Variants in KDM8 observed in about 807,000 individuals in gnomAD.
KDM8 encodes bifunctional peptidase and arginyl-hydroxylase JMJD5.
KDM8 carries 35 observed loss-of-function variants against 46.9 expected under a neutral mutation model. The ratio of observed to expected loss-of-function variants is 0.75; its 90% CI spans 0.57 to 0.99. The LOEUF (loss-of-function observed/expected upper bound fraction) is 0.99. Ranked by LOEUF, KDM8 falls within the 50% of genes least tolerant of loss-of-function variation. The pLI, the probability that KDM8 is intolerant of heterozygous loss-of-function variation, is 0.00. For missense variants in KDM8, 475 were observed against 537.0 expected (o/e 0.88, Z 1.14); for synonymous variants, 232 against 227.7 (o/e 1.02, Z -0.17).
rs752894004 is a variant in KDM8 at position 27,220,663 on chromosome 16, C to A, written c.1184C>A (p.Pro395Gln). ...TCTCCTGGAGAGATCCTGTTCATCC[C>A]GGTGAAATACTGGCATTACGTGCGG... The part of the protein sequence containing the change: ...ILSPGEILFI[P>Q]VKYWHYVRAL... The change falls in exon 8 of 8, where the codon CCG becomes CAG. Residue 395 changes from proline (P) to glutamine (Q), a missense_variant. Coordinates refer to ENST00000286096, the MANE Select transcript of KDM8 (RefSeq NM_024773.3). 1.9e-6 allele frequency: 3 copies of A among 1,614,028 alleles called. No homozygotes were observed. In the Admixed American group the frequency reaches 5.0e-5, roughly 27 times the overall value.
At chr16:27,203,856 G>A (rs578056694) in intron 1 of KDM8, 28 of 439,432 alleles carry the variant, frequency 6.4e-5, no homozygotes, top group African/African-American at 5.5e-4. Context: ...TAAAGGGAAA[G>A]GTTCCGCGCG....
chr16:27,209,141 G>A (rs771515177), intron 1 of KDM8, among the ~76,000 whole-genome samples: 57 of 152,232 alleles, frequency 3.7e-4, no homozygotes, highest in Non-Finnish European at 5.4e-4. Context: ...TTGACATGGC[G>A]CACAGGAGAG....
At chr16:27,213,218 CGTGTGTGT>C (rs3063593) in intron 2 of KDM8, 3,870 of 139,580 alleles carry the variant, frequency 0.028, 154 homozygotes, top group African/African-American at 0.083. Context: ...AGATATTTTG[CGTGTGTGT>C]GTGTGTGTGT....
Position 27,210,343 on chromosome 16 carries a change from T to C in KDM8, c.220T>C (p.Tyr74His), listed in dbSNP as rs2083469519. The C allele has an allele frequency of 1.9e-6, 3 of 1,613,208 alleles. No individual in the cohort carries two copies. Among genetic ancestry groups the C allele is most frequent in the Non-Finnish European group, 2.5e-6 (3 of 1,180,036 alleles). ...CLQSSEVILD[Y>H]SWEKLNTGTW... ...GCAGAGCAGCGAGGTGATCCTGGAC[T>C]ACTCCTGGGAGAAGCTCAACACGGG... Residue 74 changes from tyrosine to histidine, a missense_variant, in exon 2 of 8, where the codon TAC (tyrosine) becomes CAC (histidine). Tyr to His is a moderately conservative substitution (Grantham distance 83). Transcript: ENST00000286096.
At chr16:27,205,715 G>A (rs955183646) in intron 1 of KDM8, among the ~76,000 whole-genome samples, 1 of 152,138 alleles carries the variant, frequency 6.6e-6, no homozygotes, top group Non-Finnish European at 1.5e-5. Context: ...GCGGGCACCT[G>A]TAATCCCAGC....
chr16:27,206,792 C>T (rs2083432477), intron 1 of KDM8, among the ~76,000 whole-genome samples: 3 of 152,192 alleles, frequency 2.0e-5, no homozygotes, highest in Admixed American at 2.0e-4. Context: ...CGCACCTGAC[C>T]TTCCCAGGAG....
At chr16:27,213,875 G>A (rs953805521) in intron 3 of KDM8, 124 bp downstream of exon 3, 1 of 924,956 alleles carries the variant, frequency 1.1e-6, no homozygotes, top group African/African-American at 1.7e-5. Flanking sequence ...AGCAGCCCTT[G>A]ACTGATTGCC....
At chr16:27,215,860 G>A (rs2083544664) in intron 4 of KDM8, 85 bp from the exon 5 acceptor site, 2 of 1,395,996 alleles carry the variant, frequency 1.4e-6, no homozygotes, top group East Asian at 2.3e-5. Flanking sequence ...TGCAGCTGGG[G>A]CCAGCTGGAC....
chr16:27,206,234 A>G (rs963543750), intron 1 of KDM8: 5 of 982,768 alleles, frequency 5.1e-6, no homozygotes, highest in Non-Finnish European at 6.0e-6. Flanking sequence ...CTCCTTTGGA[A>G]GCCTGTTTGT....
At chr16:27,211,244 G>A (rs908664194) in intron 2 of KDM8, 1 of 444,824 alleles carries the variant, frequency 2.2e-6, no homozygotes, top group East Asian at 7.0e-5. Flanking sequence ...GCCAGCGGCA[G>A]CCCGTTTCTT....
In KDM8 at chr16:27,205,268, T is replaced by C. The variant is rs138078927; in HGVS notation, c.-32+1632T>C. Among the ~76,000 whole-genome samples the C allele has an allele frequency of 1.6e-3, 244 of 152,310 alleles. 1 individual carries two copies. Among genetic ancestry groups the C allele is most frequent in the African/African-American group, 5.5e-3 (227 of 41,570 alleles). On this transcript the variant is annotated intron_variant, in intron 1 of 7. Transcript: ENST00000286096. Reference sequence around the variant, plus strand: ...GGCTTTTATAAGATTCATTTTAGTCTTATTTATAAATCCAGGAGAAAAACC... The same window carrying C: ...GGCTTTTATAAGATTCATTTTAGTCCTATTTATAAATCCAGGAGAAAAACC...
chr16:27,206,239 G>A (rs74727723), intron 1 of KDM8: 10 of 979,548 alleles, frequency 1.0e-5, no homozygotes, highest in Admixed American at 1.2e-4. Context: ...TTGGAAGCCT[G>A]TTTGTTTAAT....
chr16:27,206,959 A>G (rs1032552452), intron 1 of KDM8, among the ~76,000 whole-genome samples: 3 of 152,248 alleles, frequency 2.0e-5, no homozygotes, highest in African/African-American at 7.2e-5. Context: ...ACAGGAGCCA[A>G]TGTGAGGCTG....
chr16:27,207,975 C>T (rs746325726), intron 1 of KDM8, among the ~76,000 whole-genome samples: 21 of 152,218 alleles, frequency 1.4e-4, no homozygotes, highest in Non-Finnish European at 2.2e-4. Context: ...CTTATACAGC[C>T]ATCCTGAAGC....
intron 6 of KDM8, among the ~76,000 whole-genome samples, chr16:27,219,362 A>G (rs915254380): frequency 7.9e-5 from 12 of 152,134 alleles, no homozygotes; most frequent in African/African-American, 2.9e-4. Context: ...CCCTCGGGAG[A>G]GGGAGCGAGT....
chr16:27,220,173 A>T (rs2083601286), intron 6 of KDM8: 1 of 565,570 alleles, frequency 1.8e-6, no homozygotes, highest in South Asian at 2.0e-5. Flanking sequence ...GTGAGCCATG[A>T]TCGTACCACT....
rs1173349085 is a variant in KDM8 at position 27,218,691 on chromosome 16, T to TA, written c.844-261dup. ...ACCCTGTCTCTACAAAAACAAAAAT[T>TA]AAAAAAAAATTAGCCGGGTGTGGTG... On this transcript the variant is annotated intron_variant, in intron 5 of 7. Transcript: ENST00000286096. Among the ~76,000 whole-genome samples, 8 of 151,360 alleles carry TA rather than the reference T, an allele frequency of 5.3e-5. No individual in the cohort carries two copies. The East Asian group carries it at 5.8e-4, about 11-fold the overall frequency.
At chr16:27,212,752 T>A (rs2083499583) in intron 2 of KDM8, among the ~76,000 whole-genome samples, 1 of 152,054 alleles carries the variant, frequency 6.6e-6, no homozygotes, top group Non-Finnish European at 1.5e-5. Flanking sequence ...AATAAATAAA[T>A]AAAACATAGC....
intron 6 of KDM8, 29 bp from the exon 7 acceptor site, chr16:27,220,364 C>T: frequency 1.9e-6 from 3 of 1,599,660 alleles, no homozygotes; most frequent in South Asian, 1.1e-5. Context: ...GTGAGGCCAC[C>T]AGCTGACTGT....
Sources: allele counts gnomAD v4.1 joint callset (sites outside exome capture counted in the v4.1 genomes callset), GRCh38; gene constraint gnomAD v4.1.1; transcripts MANE v1.5; gene names NCBI Gene and HGNC (gene_info 2026-07-23, HGNC 2026-07-21).